The following RASA3 variants were observed in gnomAD, a reference collection of about 807,000 sequenced individuals.
RASA3 encodes the protein ras GTPase-activating protein 3.
In RASA3, 73 loss-of-function variants were observed where a neutral mutation model predicts 110.0. That is an observed-to-expected ratio of 0.66 (90% CI 0.55 to 0.81). RASA3 has a LOEUF of 0.81. Ranked by LOEUF, RASA3 falls within the 30% of genes least tolerant of loss-of-function variation. The probability of loss-of-function intolerance (pLI) is 0.00; values close to 1 mark genes in which losing one functional copy is unlikely to be tolerated. For missense variants in RASA3, 976 were observed against 1,113.2 expected, an observed-to-expected ratio of 0.88 and a Z score of 1.75; for synonymous variants, 500 against 451.4, an observed-to-expected ratio of 1.11 and a Z score of -1.37.
chr13:114,013,152 G>T lies in RASA3; in HGVS notation c.1502C>A (p.Pro501Gln), dbSNP rs779966601. 6.2e-7 allele frequency: 1 copy of T among 1,612,662 alleles called. No individual in the cohort carries two copies. The highest frequency in any genetic ancestry group is 8.5e-7 in the Non-Finnish European group (1 of 1,179,528). Residue 501 changes from proline (P) to glutamine (Q), a missense_variant, in exon 15 of 24, where the codon CCG becomes CAG. Physicochemically the swap from Pro to Gln is moderately conservative, Grantham distance 76. Transcript: ENST00000334062. ...ILSPNLFQLT[P>Q]HHTDPQTSRT... is the part of the protein sequence containing the mutation. The stretch of plus-strand genomic sequence containing the variant: ...CAGCCGGTCACTCACCGTGTGGTGC[G>T]GCGTGAGCTGGAAGAGGTTGGGGGA...
intron 17 of RASA3, among the ~76,000 whole-genome samples, chr13:114,009,118 C>CG (rs1381856013): frequency 1.3e-5 from 2 of 152,200 alleles, no homozygotes; most frequent in Admixed American, 6.5e-5. Context: ...CGCCCTCATT[C>CG]GGGGGGCTCA....
intron 4 of RASA3, among the ~76,000 whole-genome samples, chr13:114,039,709 G>C (rs781410056): frequency 6.6e-6 from 1 of 152,230 alleles, no homozygotes; most frequent in African/African-American, 2.4e-5. Flanking sequence ...TTACAGGCAA[G>C]CCTGGAGCAG....
rs2053848061 is a variant in RASA3, at chr13:114,018,674, G to A, written c.942+89C>T. On this transcript the variant is annotated intron_variant, in intron 10 of 23. Transcript: ENST00000334062. ...GGAAAGGCCCCCTCAGGGAGAAGGT[G>A]CCCTCTGGGGTGGGCCCGGGTGTAG... 3.4e-6 allele frequency: 5 copies of A among 1,487,650 alleles called. 1 individual carries two copies. The highest frequency in any genetic ancestry group is 4.2e-4 in the Middle Eastern group (2 of 4,752). 92.2% of individuals were successfully genotyped at this position (1,487,650 alleles called of 1,614,324 possible). A position where few individuals can be genotyped will look rare whatever the true frequency, so the allele number is the denominator to read the frequency against.
chr13:114,063,847 T>C (rs1196474871), intron 2 of RASA3, among the ~76,000 whole-genome samples: 3 of 152,238 alleles, frequency 2.0e-5, no homozygotes, highest in Non-Finnish European at 2.9e-5. Flanking sequence ...TAAATATTTC[T>C]ACAGTTTGCT....
At chr13:114,116,782 A>ACGTGTGTGAG (rs1566584734) in intron 1 of RASA3, among the ~76,000 whole-genome samples, 20 of 146,118 alleles carry the variant, frequency 1.4e-4, no homozygotes, top group South Asian at 4.3e-4. Flanking sequence ...ACGTGTGTGA[A>ACGTGTGTGAG]GGGTGCACGT....
Position 113,993,239 on chromosome 13 carries a change from G to A in RASA3, c.2142-651C>T, listed in dbSNP as rs117581793. On this transcript the variant is annotated intron_variant, in intron 21 of 23. Coordinates refer to ENST00000334062, the MANE Select transcript of RASA3 (RefSeq NM_007368.4). ...ACGTCAGGCTGGAGCGCGGTGGCACGATCTCAGCTCACTGAAACCTACGCT... is the reference window on the plus strand; with the variant it reads ...ACGTCAGGCTGGAGCGCGGTGGCACAATCTCAGCTCACTGAAACCTACGCT... Among the ~76,000 whole-genome samples, 502 of 152,160 alleles carry A rather than the reference G, an allele frequency of 3.3e-3. 8 individuals are homozygous for A. The highest frequency in any genetic ancestry group is 0.027 in the East Asian group (138 of 5,122).
chr13:114,072,854 G>A (rs950493360), intron 2 of RASA3, among the ~76,000 whole-genome samples: 11 of 152,002 alleles, frequency 7.2e-5, no homozygotes, highest in African/African-American at 2.2e-4. Context: ...TGACGTACAC[G>A]CTCGGGACAC....
At chr13:114,109,278 T>C (rs963544666) in intron 1 of RASA3, among the ~76,000 whole-genome samples, 4 of 152,180 alleles carry the variant, frequency 2.6e-5, no homozygotes, top group Non-Finnish European at 5.9e-5. Context: ...GAAGCCTCTG[T>C]CTTGAGAAAA....
In RASA3 at chr13:114,112,241, G is replaced by A. The variant is rs564614044; in HGVS notation, c.55+20194C>T. 3.9e-4 allele frequency among the ~76,000 whole-genome samples: 59 copies of A among 152,338 alleles called. 1 individual carries two copies. In the South Asian group the frequency reaches 0.011, roughly 29 times the overall value. On this transcript the variant is annotated intron_variant, in intron 1 of 23. Transcript: ENST00000334062. This position sits in a 1 kb window ranked among gnomAD's most constrained non-coding sequence, Gnocchi z 4.8. ...GTTACCAAAAAATGGCATTAGCAGGGCACCAGGGGCCAGGCCAGCTCCAGG... is the reference window on the plus strand; with the variant it reads ...GTTACCAAAAAATGGCATTAGCAGGACACCAGGGGCCAGGCCAGCTCCAGG...
intron 4 of RASA3, 79 bp downstream of exon 4, chr13:114,040,921 C>T: frequency 7.4e-7 from 1 of 1,355,454 alleles, no homozygotes; most frequent in South Asian, 1.2e-5. Context: ...CGTCTTTAGC[C>T]ACAGTCGGAG....
intron 5 of RASA3, among the ~76,000 whole-genome samples, chr13:114,028,706 C>T (rs1358310992): frequency 4.4e-5 from 4 of 90,638 alleles, no homozygotes; most frequent in East Asian, 7.7e-4. Flanking sequence ...TCTAAAACGG[C>T]ATCATCCTGG....
intron 1 of RASA3, among the ~76,000 whole-genome samples, chr13:114,098,044 G>A (rs1022641560): frequency 1.3e-5 from 2 of 152,206 alleles, no homozygotes; most frequent in Non-Finnish European, 2.9e-5. Context: ...TGAGCACGCC[G>A]AGGGGCTACA....
Position 113,981,719 on chromosome 13 carries a change from G to C in RASA3, c.2385C>G (p.Ala795=). 1 of 1,614,078 alleles carries C rather than the reference G, an allele frequency of 6.2e-7. No individual in the cohort carries two copies. Among genetic ancestry groups the C allele is most frequent in the Non-Finnish European group, 8.5e-7 (1 of 1,179,992 alleles). The part of the protein sequence containing the change: ...AGVGALEQEH[A]QYKRDKFKKT... ...TCTTGAACTTGTCCCTCTTATACTG[G>C]GCGTGCTCCTGCTCCAAAGCCCCAA... The change falls in exon 23 of 24, where the codon GCC becomes GCG. Residue 795 remains alanine (A), a synonymous_variant. Coordinates refer to ENST00000334062, the MANE Select transcript of RASA3 (RefSeq NM_007368.4).
chr13:114,123,546 T>C (rs984556773), intron 1 of RASA3, among the ~76,000 whole-genome samples: 10 of 152,228 alleles, frequency 6.6e-5, no homozygotes, highest in African/African-American at 2.4e-4. Flanking sequence ...AGACCCGGGC[T>C]GCAGCTTGGA....
rs536155462 is a variant in RASA3 at position 114,056,286 on chromosome 13, G to T, written c.174-4131C>A. Among the ~76,000 whole-genome samples the T allele has an allele frequency of 6.6e-6, 1 of 152,120 alleles. No individual in the cohort carries two copies. The highest frequency in any genetic ancestry group is 2.1e-4 in the South Asian group (1 of 4,828). The stretch of plus-strand genomic sequence containing the variant: ...TCTGATGTGTGTCTGATGCATATTT[G>T]GTGCGTGTCCGGTGCGTGGTGAGGG... On this transcript the variant is annotated intron_variant, in intron 2 of 23. Transcript: ENST00000334062. This position sits in a 1 kb window ranked among gnomAD's most constrained non-coding sequence, Gnocchi z 5.7.
At chr13:114,109,839 G>A (rs1318489819) in intron 1 of RASA3, among the ~76,000 whole-genome samples, 3 of 152,248 alleles carry the variant, frequency 2.0e-5, no homozygotes, top group Non-Finnish European at 1.5e-5. Flanking sequence ...TTGACCGGGG[G>A]TGGCCTCGCG....
chr13:114,005,302 G>A (rs535694376), intron 18 of RASA3, among the ~76,000 whole-genome samples: 5 of 152,356 alleles, frequency 3.3e-5, no homozygotes, highest in African/African-American at 7.2e-5. Context: ...AGCCCCGAGC[G>A]GGAGTGGGAG....
intron 3 of RASA3, among the ~76,000 whole-genome samples, chr13:114,051,579 A>T (rs1434885790): frequency 6.6e-6 from 1 of 152,120 alleles, no homozygotes; most frequent in Non-Finnish European, 1.5e-5. Flanking sequence ...CATCTCCTGG[A>T]AGTAACAGTA....
chr13:114,027,319 A>T (rs2054044196), intron 7 of RASA3, 70 bp downstream of exon 7: 4 of 1,287,766 alleles, frequency 3.1e-6, no homozygotes, highest in Admixed American at 1.8e-5. Flanking sequence ...ATCATTCTGG[A>T]TCCAGACTTT....
Sources: gnomAD v4.1 joint callset for allele counts (sites outside exome capture counted in the v4.1 genomes callset) on GRCh38, gnomAD v4.1.1 for gene constraint, Gnocchi (gnomAD v3.1) non-coding constraint, MANE v1.5 for transcripts, NCBI Gene and HGNC (gene_info 2026-07-23, HGNC 2026-07-21) for gene names.